NRG1: variants seen among roughly 807,000 people sequenced by gnomAD.
The protein encoded by NRG1 is pro-neuregulin-1, membrane-bound isoform.
In NRG1, 18 loss-of-function variants were observed where a neutral mutation model predicts 63.8. The ratio of observed to expected loss-of-function variants is 0.28; its 90% CI spans 0.19 to 0.42. The LOEUF (loss-of-function observed/expected upper bound fraction) is 0.42. Ranked by LOEUF, NRG1 falls within the 10% of genes least tolerant of loss-of-function variation. NRG1 has a pLI of 1.00. For synonymous variants in NRG1, 302 were observed against 301.3 expected, an observed-to-expected ratio of 1.00 and a Z score of -0.02; for missense variants, 762 against 814.7, an observed-to-expected ratio of 0.94 and a Z score of 0.79.
chr8:32,749,614 T>C, intron 7 of NRG1: 1 of 1,610,870 alleles, frequency 6.2e-7, no homozygotes, highest in South Asian at 1.1e-5. Flanking sequence ...CCTTTTAGCC[T>C]GCAGAATTTA....
At chr8:32,592,819 G>A (rs1254210453) in intron 1 of NRG1, among the ~76,000 whole-genome samples, 1 of 152,082 alleles carries the variant, frequency 6.6e-6, no homozygotes, top group Non-Finnish European at 1.5e-5. Flanking sequence ...TAGGCATTAG[G>A]GGTGCCAATC....
intron 1 of NRG1, among the ~76,000 whole-genome samples, chr8:32,542,540 G>A (rs534113277): frequency 5.0e-4 from 76 of 152,330 alleles, no homozygotes; most frequent in South Asian, 2.3e-3. Flanking sequence ...CTTGAAGCCT[G>A]AATGTTAAGT....
At chr8:32,052,865 G>T (rs1459310436) in intron 1 of NRG1, among the ~76,000 whole-genome samples, 1 of 152,128 alleles carries the variant, frequency 6.6e-6, no homozygotes, top group Non-Finnish European at 1.5e-5. Context: ...GAGAACCAGG[G>T]TTCTTCCTAC....
Position 32,611,848 on chromosome 8 carries a change from T to A in NRG1, c.401-2666T>A, listed in dbSNP as rs184694747. Reference sequence around the variant, plus strand: ...ATATACTGTATACAATGTGCATATGTGTATTTTGCTACATAATTATATTTA... The same window carrying A: ...ATATACTGTATACAATGTGCATATGAGTATTTTGCTACATAATTATATTTA... On this transcript the variant is annotated intron_variant, in intron 3 of 11. Coordinates refer to ENST00000356819, the Ensembl canonical transcript of NRG1. Among the ~76,000 whole-genome samples, 256 of 152,104 alleles carry A rather than the reference T, an allele frequency of 1.7e-3. 1 individual carries two copies. The highest frequency in any genetic ancestry group is 5.9e-3 in the African/African-American group (244 of 41,484).
At chr8:32,411,200 A>T (rs1814894142) in intron 1 of NRG1, among the ~76,000 whole-genome samples, 1 of 152,142 alleles carries the variant, frequency 6.6e-6, no homozygotes, top group South Asian at 2.1e-4. Context: ...CAGATGAGGA[A>T]CTAGAGACTC....
intron 1 of NRG1, among the ~76,000 whole-genome samples, chr8:31,916,357 C>T (rs1201789594): frequency 2.0e-5 from 3 of 152,056 alleles, no homozygotes; most frequent in Non-Finnish European, 4.4e-5. Flanking sequence ...GCTATCCCTC[C>T]CCCTACCCCA....
intron 1 of NRG1, among the ~76,000 whole-genome samples, chr8:32,588,339 A>AT: frequency 6.6e-6 from 1 of 152,172 alleles, no homozygotes; most frequent in East Asian, 1.9e-4. Flanking sequence ...ATTGTGGCTC[A>AT]TACCCTCAAA....
At chr8:31,730,460 T>A (rs1189428879) in intron 1 of NRG1, among the ~76,000 whole-genome samples, 1 of 152,146 alleles carries the variant, frequency 6.6e-6, no homozygotes, top group Admixed American at 6.6e-5. Flanking sequence ...TAGACATATA[T>A]ACACACACAT....
intron 1 of NRG1, among the ~76,000 whole-genome samples, chr8:32,157,735 ATATG>A (rs1838305642): frequency 6.6e-6 from 1 of 151,050 alleles, no homozygotes; most frequent in South Asian, 2.1e-4. Context: ...GAGAGAATAA[ATATG>A]TATCCACAGA....
intron 1 of NRG1, among the ~76,000 whole-genome samples, chr8:32,500,421 T>A (rs971070549): frequency 6.6e-6 from 1 of 152,200 alleles, no homozygotes; most frequent in South Asian, 2.1e-4. Flanking sequence ...ATAAACCAGA[T>A]ACGAGTCTTA....
In NRG1 at chr8:32,355,669, GA is replaced by G. The variant is rs34832764; in HGVS notation, c.38-240149del. ...AAGACAGGGATGGAGAAAGAAGGGG[GA>G]AAAAAAAAACTGAGTAAAAAAATTC... On this transcript the variant is annotated intron_variant, in intron 1 of 10. Coordinates refer to the NRG1 transcript ENST00000519301. Among the ~76,000 whole-genome samples, 827 of 148,926 alleles carry G rather than the reference GA, an allele frequency of 5.6e-3. 6 individuals are homozygous for G. Among genetic ancestry groups the G allele is most frequent in the African/African-American group, 0.018 (731 of 40,644 alleles).
intron 1 of NRG1, among the ~76,000 whole-genome samples, chr8:32,586,651 C>A (rs1335826193): frequency 6.6e-6 from 1 of 152,064 alleles, no homozygotes; most frequent in East Asian, 1.9e-4. Flanking sequence ...GTAAAAAGTC[C>A]TAGGTTTAAG....
intron 1 of NRG1, among the ~76,000 whole-genome samples, chr8:32,048,414 T>C (rs1821392586): frequency 6.8e-6 from 1 of 147,298 alleles, no homozygotes; most frequent in Admixed American, 6.8e-5. Flanking sequence ...AATATGAATA[T>C]ATGTACATGC....
At chr8:32,332,561 C>A (rs184645037) in intron 1 of NRG1, among the ~76,000 whole-genome samples, 1 of 152,084 alleles carries the variant, frequency 6.6e-6, no homozygotes, top group Non-Finnish European at 1.5e-5. Flanking sequence ...TACCATATGC[C>A]GGGCACTAAT....
In NRG1 at chr8:32,571,824, C is replaced by A. The variant is rs560260290; in HGVS notation, c.100+22998C>A. Among the ~76,000 whole-genome samples the A allele has an allele frequency of 7.2e-5, 11 of 152,166 alleles. No individual in the cohort carries two copies. The East Asian group carries it at 2.1e-3, about 29-fold the overall frequency. ...CTCAAAAGGAATAGGTAGAAAAATT[C>A]CCATGGTAAGACAACTCAGTAAATA... On this transcript the variant is annotated intron_variant, in intron 1 of 11. Coordinates refer to ENST00000356819, the Ensembl canonical transcript of NRG1.
At chr8:31,755,080 T>C (rs1258759482) in intron 1 of NRG1, among the ~76,000 whole-genome samples, 1 of 152,072 alleles carries the variant, frequency 6.6e-6, no homozygotes, top group Admixed American at 6.6e-5. Flanking sequence ...CTCACACTTA[T>C]AACTACTTCT....
At chr8:31,750,230 TGTCCC>T (rs1816312185) in intron 1 of NRG1, among the ~76,000 whole-genome samples, 1 of 151,966 alleles carries the variant, frequency 6.6e-6, no homozygotes, top group African/African-American at 2.4e-5. Flanking sequence ...CAATTTCTCC[TGTCCC>T]CTAGATCGAT....
intron 1 of NRG1, among the ~76,000 whole-genome samples, chr8:32,076,846 A>T (rs866856893): frequency 1.3e-5 from 2 of 152,196 alleles, no homozygotes; most frequent in South Asian, 4.1e-4. Flanking sequence ...ACTGGGCATC[A>T]TTTGAATAAT....
chr8:31,653,903 A>T (rs939714198), intron 1 of NRG1, among the ~76,000 whole-genome samples: 2 of 150,922 alleles, frequency 1.3e-5, no homozygotes, highest in Non-Finnish European at 2.9e-5. Context: ...GAGACTGTGG[A>T]GAAATATTCT....
Sources: gnomAD v4.1 joint callset for allele counts (sites outside exome capture counted in the v4.1 genomes callset) on GRCh38, gnomAD v4.1.1 for gene constraint, MANE v1.5 for transcripts, NCBI Gene and HGNC (gene_info 2026-07-23, HGNC 2026-07-21) for gene names.